Variants in CHODL observed in about 807,000 individuals in gnomAD.
The protein encoded by CHODL is transmembrane protein MT75.
In CHODL, 29 loss-of-function variants were observed where a neutral mutation model predicts 34.5. That is an observed-to-expected ratio of 0.84 (90% CI 0.63 to 1.15). The LOEUF (loss-of-function observed/expected upper bound fraction) is 1.15. Among genes scored for constraint, CHODL ranks in the 50% most tolerant of loss-of-function variants. The pLI, the probability that CHODL is intolerant of heterozygous loss-of-function variation, is 0.00. For synonymous variants in CHODL, 125 were observed against 116.1 expected (o/e 1.08, Z -0.49); for missense variants, 332 against 332.5 (o/e 1.00, Z 0.01).
chr21:17,958,792 G>A lies in CHODL; in HGVS notation c.-145+41392G>A, dbSNP rs376192030. On this transcript the variant is annotated intron_variant, in intron 1 of 6. Transcript: ENST00000400127. The stretch of plus-strand genomic sequence containing the variant: ...AGTAAGCCTTTGATAATAGAATTCC[G>A]TTCATTCTCTGTATGGAGGGGAAAT... Among the ~76,000 whole-genome samples the A allele has an allele frequency of 4.0e-4, 61 of 152,186 alleles. 1 individual carries two copies. The South Asian group carries it at 9.3e-3, about 23-fold the overall frequency.
rs1555885914 is a variant in CHODL at position 18,248,732 on chromosome 21, A to ACATATATGTATATATTATATAC, written c.79+3430_79+3431insCATATATGTATATATTATATAC. Among the ~76,000 whole-genome samples, 141 of 120,320 alleles carry ACATATATGTATATATTATATAC rather than the reference A, an allele frequency of 1.2e-3. 1 individual carries two copies. The highest frequency in any genetic ancestry group is 4.8e-3 in the African/African-American group (136 of 28,440). 78.9% of individuals were successfully genotyped at this position (120,320 alleles called of 152,430 possible). On this transcript the variant is annotated intron_variant, in intron 1 of 5. Transcript: ENST00000299295. ...ATAATATATACATATATATGTATAT[A>ACATATATGTATATATTATATAC]ATATATATGTATAATATATATGTAT...
At chr21:17,922,392 C>G (rs1309106961) in intron 1 of CHODL, among the ~76,000 whole-genome samples, 1 of 152,164 alleles carries the variant, frequency 6.6e-6, no homozygotes, top group African/African-American at 2.4e-5. Context: ...GATGTCTGGA[C>G]AGCCTAGTAT....
At chr21:18,167,190 A>G (rs1358791633) in intron 2 of CHODL, among the ~76,000 whole-genome samples, 1 of 137,122 alleles carries the variant, frequency 7.3e-6, no homozygotes. Context: ...AAGTTATTTC[A>G]CCATTCCCAT....
intron 2 of CHODL, among the ~76,000 whole-genome samples, chr21:18,199,564 A>G (rs189629894): frequency 2.6e-5 from 4 of 152,230 alleles, no homozygotes; most frequent in African/African-American, 9.6e-5. Context: ...AGTGTCATAT[A>G]TATCATATAT....
intron 2 of CHODL, among the ~76,000 whole-genome samples, chr21:18,207,898 T>G (rs2073730909): frequency 6.6e-6 from 1 of 152,022 alleles, no homozygotes; most frequent in Admixed American, 6.6e-5. Context: ...GATCTTTAAC[T>G]TTTAGAAGTT....
intron 1 of CHODL, among the ~76,000 whole-genome samples, chr21:18,016,225 C>T (rs554933229): frequency 4.6e-5 from 7 of 152,352 alleles, no homozygotes; most frequent in African/African-American, 1.7e-4. Context: ...CAGGGCCTTG[C>T]TGCTCTGTGC....
intron 1 of CHODL, among the ~76,000 whole-genome samples, chr21:18,013,458 C>G (rs568242097): frequency 1.4e-4 from 22 of 152,088 alleles, no homozygotes; most frequent in Admixed American, 9.8e-4. Flanking sequence ...GGGACTTGGT[C>G]CTTCCATCTT....
chr21:18,009,233 T>C (rs1045980995), intron 1 of CHODL, among the ~76,000 whole-genome samples: 3 of 152,222 alleles, frequency 2.0e-5, no homozygotes, highest in African/African-American at 4.8e-5. Flanking sequence ...CTTTAGCCTA[T>C]ATAGCTAAAA....
At chr21:17,958,932 C>T (rs565103984) in intron 1 of CHODL, among the ~76,000 whole-genome samples, 3 of 152,220 alleles carry the variant, frequency 2.0e-5, no homozygotes, top group Non-Finnish European at 4.4e-5. Flanking sequence ...CTTGTCTTCT[C>T]TGGCTGACAC....
At chr21:18,153,743 A>T (rs2072999194) in intron 2 of CHODL, among the ~76,000 whole-genome samples, 1 of 151,312 alleles carries the variant, frequency 6.6e-6, no homozygotes, top group East Asian at 1.9e-4. Flanking sequence ...AAGCAGGACT[A>T]TGTTTTATAT....
chr21:18,261,874 G>T (rs572058913), intron 4 of CHODL, among the ~76,000 whole-genome samples: 54 of 152,014 alleles, frequency 3.6e-4, no homozygotes, highest in African/African-American at 1.2e-3. Context: ...TCTTTGTGCC[G>T]CTGGAGTCTC....
At chr21:18,236,447 C>T (rs559377224) in intron 2 of CHODL, among the ~76,000 whole-genome samples, 8 of 152,164 alleles carry the variant, frequency 5.3e-5, no homozygotes, top group African/African-American at 1.7e-4. Context: ...AGACCCTTAT[C>T]TCAGGATATT....
At chr21:18,002,898 C>A (rs1053093185) in intron 1 of CHODL, among the ~76,000 whole-genome samples, 1 of 152,104 alleles carries the variant, frequency 6.6e-6, no homozygotes, top group Admixed American at 6.5e-5. Context: ...CCGAGGCGGG[C>A]GGATCATAAG....
intron 1 of CHODL, among the ~76,000 whole-genome samples, chr21:17,959,584 A>G (rs910092481): frequency 2.0e-5 from 3 of 152,340 alleles, no homozygotes. Flanking sequence ...GAGAGCGCTC[A>G]TAGGCTATAA....
intron 1 of CHODL, among the ~76,000 whole-genome samples, chr21:17,943,348 C>T (rs1437197050): frequency 2.6e-5 from 4 of 152,200 alleles, no homozygotes; most frequent in Non-Finnish European, 5.9e-5. Flanking sequence ...TCAAAGCCTG[C>T]CCTACAGATT....
Position 18,245,180 on chromosome 21 carries a change from C to T in CHODL, c.-44C>T, listed in dbSNP as rs987718760. The T allele has an allele frequency of 2.3e-5, 33 of 1,444,760 alleles. No individual in the cohort carries two copies. Among genetic ancestry groups the T allele is most frequent in the Non-Finnish European group, 3.0e-5 (33 of 1,088,708 alleles). 89.5% of individuals were successfully genotyped at this position (1,444,760 alleles called of 1,614,324 possible). On this transcript the variant is annotated 5_prime_UTR_variant, in exon 1 of 6. Coordinates refer to ENST00000299295, the MANE Select transcript of CHODL (RefSeq NM_024944.3). ...TCGCGGGCTGCGCCCTGGGCAGAGG[C>T]CGCCCTCGCTCCACGCAACACCTGC...
In CHODL at chr21:18,200,066, C is replaced by T. The variant is rs142805407; in HGVS notation, c.-44-56443C>T. Among the ~76,000 whole-genome samples, 521 of 152,268 alleles carry T rather than the reference C, an allele frequency of 3.4e-3. 4 individuals are homozygous for T. The highest frequency in any genetic ancestry group is 0.012 in the African/African-American group (499 of 41,560). Reference sequence around the variant, plus strand: ...AAGTGGCTGTACCATTTTTCATCCCCATCAGCAATGAATGATAGTTCTATT... The same window carrying T: ...AAGTGGCTGTACCATTTTTCATCCCTATCAGCAATGAATGATAGTTCTATT... On this transcript the variant is annotated intron_variant, in intron 2 of 6. Transcript: ENST00000400127.
intron 5 of CHODL, among the ~76,000 whole-genome samples, chr21:18,263,110 C>G (rs2074402551): frequency 6.6e-6 from 1 of 152,190 alleles, no homozygotes; most frequent in East Asian, 1.9e-4. Context: ...GTTTGTATTT[C>G]TCAGTTGAGA....
At chr21:18,143,499 G>A (rs1177946414) in intron 2 of CHODL, among the ~76,000 whole-genome samples, 1 of 151,516 alleles carries the variant, frequency 6.6e-6, no homozygotes, top group East Asian at 1.9e-4. Context: ...AAAAGTTTTT[G>A]TATGATTATA....
Sources: allele counts gnomAD v4.1 joint callset (sites outside exome capture counted in the v4.1 genomes callset), GRCh38; gene constraint gnomAD v4.1.1; transcripts MANE v1.5; gene names NCBI Gene and HGNC (gene_info 2026-07-23, HGNC 2026-07-21).